The following FBN2 variants were observed in gnomAD, a reference collection of about 807,000 sequenced individuals.
FBN2 encodes fibrillin 2, also known as fibrillin-2.
In FBN2, 105 loss-of-function variants were observed where a neutral mutation model predicts 355.6. The ratio of observed to expected loss-of-function variants is 0.30; its 90% CI spans 0.25 to 0.35. FBN2 has a LOEUF of 0.35. Among genes scored for constraint, FBN2 ranks in the 10% least tolerant of loss-of-function variants. The pLI is 1.00. For synonymous variants in FBN2, 1,350 were observed against 1,301.2 expected, an observed-to-expected ratio of 1.04 and a Z score of -0.81; for missense variants, 3,280 against 3,758.7, an observed-to-expected ratio of 0.87 and a Z score of 3.33.
chr5:128,510,637 T>G (rs1756087776), intron 5 of FBN2, among the ~76,000 whole-genome samples: 1 of 152,222 alleles, frequency 6.6e-6, no homozygotes, highest in African/African-American at 2.4e-5. Context: ...ATATTTTAGA[T>G]TATATACATA....
intron 39 of FBN2, 21 bp from the exon 40 acceptor site, chr5:128,310,129 TATTA>T (rs1175682861): frequency 1.3e-6 from 2 of 1,582,600 alleles, no homozygotes; most frequent in African/African-American, 2.7e-5. Flanking sequence ...CAAGAATATC[TATTA>T]ATTAATAAAT....
In FBN2 at chr5:128,531,225, G is replaced by A. The variant is rs146601369; in HGVS notation, c.338-532C>T. ...CCATATATATAATGGAATACTATGC[G>A]GCCATAAAAATGAATGAATTAACAG... On this transcript the variant is annotated intron_variant, in intron 2 of 64. Transcript: ENST00000262464. Among the ~76,000 whole-genome samples, 333 of 151,988 alleles carry A rather than the reference G, an allele frequency of 2.2e-3. 4 individuals carry two copies. The highest frequency in any genetic ancestry group is 7.0e-3 in the African/African-American group (291 of 41,426).
rs1208529624 is a variant in FBN2, at chr5:128,509,984, T to A, written c.628+9289A>T. 3.3e-5 allele frequency among the ~76,000 whole-genome samples: 5 copies of A among 152,186 alleles called. No homozygotes were observed. In the East Asian group the frequency reaches 9.7e-4, roughly 29 times the overall value. ...CTCAGAAAGATTCCTCACATGAATG[T>A]GATTGTCAGTATTCTGCTGAAAACT... On this transcript the variant is annotated intron_variant, in intron 5 of 64. Coordinates refer to ENST00000262464, the MANE Select transcript of FBN2 (RefSeq NM_001999.4).
intron 5 of FBN2, among the ~76,000 whole-genome samples, chr5:128,477,886 T>A (rs1030626285): frequency 2.0e-5 from 3 of 152,224 alleles, no homozygotes; most frequent in African/African-American, 7.2e-5. Flanking sequence ...TACTAATTTA[T>A]CCCTTCCCTT....
chr5:128,270,460 C>T lies in FBN2; in HGVS notation c.7960+1539G>A, dbSNP rs376142714. On this transcript the variant is annotated intron_variant, in intron 62 of 64. Coordinates refer to ENST00000262464, the MANE Select transcript of FBN2 (RefSeq NM_001999.4). Reference sequence around the variant, plus strand: ...AGGAAAATCACTTGAACCCAGGAGGCGGAGGTTGTAGTGAGCCAAGATCAT... The same window carrying T: ...AGGAAAATCACTTGAACCCAGGAGGTGGAGGTTGTAGTGAGCCAAGATCAT... 5.3e-5 allele frequency among the ~76,000 whole-genome samples: 8 copies of T among 152,030 alleles called. No homozygotes were observed. The South Asian group carries it at 8.3e-4, about 16-fold the overall frequency.
intron 48 of FBN2, among the ~76,000 whole-genome samples, chr5:128,297,570 T>C (rs1157890709): frequency 6.6e-6 from 1 of 152,248 alleles, no homozygotes; most frequent in Non-Finnish European, 1.5e-5. Context: ...CTTGTTGAAT[T>C]GATCCCTTAC....
intron 5 of FBN2, among the ~76,000 whole-genome samples, chr5:128,480,384 T>C (rs1288513200): frequency 6.6e-6 from 1 of 151,968 alleles, no homozygotes; most frequent in Non-Finnish European, 1.5e-5. Context: ...CAGCCAGAAT[T>C]CTAGCTTCAC....
intron 11 of FBN2, among the ~76,000 whole-genome samples, chr5:128,379,254 A>T (rs995810890): frequency 6.6e-5 from 10 of 152,136 alleles, no homozygotes; most frequent in African/African-American, 1.9e-4. Context: ...AGGCTTAGTA[A>T]AGTGCCAGAA....
intron 5 of FBN2, among the ~76,000 whole-genome samples, chr5:128,500,256 CAACA>C (rs1561486932): frequency 1.3e-5 from 2 of 151,690 alleles, no homozygotes; most frequent in Non-Finnish European, 2.9e-5. Flanking sequence ...ACAACAACAA[CAACA>C]AAGGTCAAAT....
intron 48 of FBN2, among the ~76,000 whole-genome samples, chr5:128,294,678 T>C (rs1181664224): frequency 1.3e-5 from 2 of 149,164 alleles, no homozygotes; most frequent in Non-Finnish European, 3.0e-5. Flanking sequence ...CACTTTTTGA[T>C]GGGGTTGTTT....
At chr5:128,309,491 T>C (rs1422778104) in intron 40 of FBN2, 92 bp from the exon 41 acceptor site, 8 of 1,075,012 alleles carry the variant, frequency 7.4e-6, no homozygotes, top group Admixed American at 1.8e-5. Flanking sequence ...GCTTTCCTGA[T>C]GAACACAACT....
intron 8 of FBN2, among the ~76,000 whole-genome samples, chr5:128,404,102 A>C (rs965754664): frequency 3.3e-5 from 5 of 152,236 alleles, no homozygotes; most frequent in Non-Finnish European, 7.3e-5. Flanking sequence ...AAGTTCATCC[A>C]ACTCTTTATT....
intron 39 of FBN2, among the ~76,000 whole-genome samples, 191 bp downstream of exon 39, chr5:128,311,109 A>C (rs1440405439): frequency 6.6e-6 from 1 of 152,102 alleles, no homozygotes; most frequent in Non-Finnish European, 1.5e-5. Flanking sequence ...ACAGTGAATT[A>C]TGGCAACGAG....
Position 128,369,334 on chromosome 5 carries a change from T to C in FBN2, c.2096A>G (p.Asp699Gly), listed in dbSNP as rs1751866971. The change falls in exon 16 of 65, where the codon GAT (aspartate) becomes GGT (glycine). Residue 699 changes from aspartate to glycine, a missense_variant and splice_region_variant. By Grantham distance (94) the Asp-to-Gly change is moderately conservative (BLOSUM62 -1). This residue lies in a region of FBN2 where 2,284 missense variants were observed against 2,749.5 expected (regional missense o/e 0.83). Transcript: ENST00000262464. ...ATAGCAGGTACTGCGCATGTGAGTA[T>C]CTAAAGGAGATACAAAAACAATGAC... ...AVGMDGRVCV[D>G]THMRSTCYGG... The C allele has an allele frequency of 1.2e-6, 2 of 1,613,918 alleles. No homozygotes were observed. The highest frequency in any genetic ancestry group is 1.7e-6 in the Non-Finnish European group (2 of 1,179,988).
At chr5:128,299,951 C>T (rs1749669374) in intron 48 of FBN2, among the ~76,000 whole-genome samples, 2 of 152,130 alleles carry the variant, frequency 1.3e-5, no homozygotes, top group African/African-American at 4.8e-5. Flanking sequence ...CTATACAAAT[C>T]AGAAAATCAG....
chr5:128,351,815 T>C (rs540599511), intron 20 of FBN2, among the ~76,000 whole-genome samples: 2 of 151,824 alleles, frequency 1.3e-5, no homozygotes, highest in East Asian at 3.9e-4. Context: ...ATCCTTCCAC[T>C]TCAGCCTCCC....
At chr5:128,292,574 C>CA (rs372240886) in intron 48 of FBN2, among the ~76,000 whole-genome samples, 97 of 152,070 alleles carry the variant, frequency 6.4e-4, no homozygotes, top group African/African-American at 2.2e-3. Context: ...TATAAAACAA[C>CA]AAAAAACTGC....
At chr5:128,349,201 C>T in intron 23 of FBN2, 146 bp downstream of exon 23, 1 of 908,068 alleles carries the variant, frequency 1.1e-6, no homozygotes, top group Non-Finnish European at 1.8e-6. Flanking sequence ...ACTTTTAAAA[C>T]AGCCTCTAGT....
At chr5:128,363,111 T>C (rs546843954) in intron 18 of FBN2, among the ~76,000 whole-genome samples, 12 of 152,268 alleles carry the variant, frequency 7.9e-5, no homozygotes, top group Non-Finnish European at 1.3e-4. Context: ...AATAGTGTAA[T>C]ATGTGTACAA....
Sources: allele counts gnomAD v4.1 joint callset (sites outside exome capture counted in the v4.1 genomes callset), GRCh38; gene constraint gnomAD v4.1.1; regional missense constraint gnomAD v4.1.1; transcripts MANE v1.5; gene names NCBI Gene and HGNC (gene_info 2026-07-23, HGNC 2026-07-21).